Variants in PIGX observed in about 807,000 individuals in gnomAD.
PIGX encodes phosphatidylinositol glycan anchor biosynthesis class X, also known as GPI alpha-1,4-mannosyltransferase I, stabilizing subunit.
A neutral mutation model predicts 28.7 loss-of-function variants in PIGX; 24 were observed. The ratio of observed to expected loss-of-function variants is 0.84; its 90% CI spans 0.60 to 1.17. The LOEUF (loss-of-function observed/expected upper bound fraction) is 1.17. Among genes scored for constraint, PIGX ranks in the 50% most tolerant of loss-of-function variants. The pLI, the probability that PIGX is intolerant of heterozygous loss-of-function variation, is 0.00. For synonymous variants in PIGX, 127 were observed against 121.0 expected (o/e 1.05, Z -0.33); for missense variants, 305 against 317.8 (o/e 0.96, Z 0.31).
intron 2 of PIGX, chr3:196,717,718 T>C (rs1183319257): frequency 1.3e-5 from 2 of 152,306 alleles, no homozygotes; most frequent in East Asian, 1.9e-4. Flanking sequence ...ATTAGGGTGA[T>C]AGAGCTCTGA....
In PIGX at chr3:196,716,854, A is replaced by T. The variant is rs1415243437; in HGVS notation, c.113-4A>T. The T allele has an allele frequency of 1.3e-6, 2 of 1,561,704 alleles. No homozygotes were observed. The highest frequency in any genetic ancestry group is 1.8e-6 in the Non-Finnish European group (2 of 1,142,836). On this transcript the variant is annotated splice_polypyrimidine_tract_variant and splice_region_variant and intron_variant, in intron 1 of 5. Coordinates refer to ENST00000392391, the MANE Select transcript of PIGX (RefSeq NM_017861.4). ...TTTAAAAAAAAATCGTTTGGTTCTT[A>T]TAGGCATAAGGGCCATGTGTTCTGA...
chr3:196,714,025 C>G (rs779346884), intron 1 of PIGX, among the ~76,000 whole-genome samples: 3 of 152,128 alleles, frequency 2.0e-5, no homozygotes, highest in Admixed American at 1.3e-4. Context: ...TAGCCTTTCT[C>G]CGGTCCCAAT....
At chr3:196,724,022 G>GTT (rs1462271791) in intron 3 of PIGX, among the ~76,000 whole-genome samples, 47 of 129,976 alleles carry the variant, frequency 3.6e-4, no homozygotes, top group South Asian at 7.4e-4. Context: ...TTAATTTAAT[G>GTT]TTTTTTTTTT....
At chr3:196,732,073 C>G (rs1051525068) in intron 5 of PIGX, among the ~76,000 whole-genome samples, 1 of 149,704 alleles carries the variant, frequency 6.7e-6, no homozygotes, top group African/African-American at 2.5e-5. Context: ...TGATCCACCC[C>G]CGTCAGCCTC....
intron 1 of PIGX, chr3:196,712,969 A>T: frequency 1.0e-6 from 1 of 1,000,754 alleles, no homozygotes; most frequent in Non-Finnish European, 1.2e-6. Flanking sequence ...CTGATCACCA[A>T]GGGGCCAGGC....
chr3:196,721,906 C>CA (rs1410348404), intron 2 of PIGX, among the ~76,000 whole-genome samples: 1 of 152,122 alleles, frequency 6.6e-6, no homozygotes, highest in African/African-American at 2.4e-5. Context: ...CATGTGCCAC[C>CA]ATGCCCGGCT....
chr3:196,712,739 G>A (rs944125320), intron 1 of PIGX, 95 bp downstream of exon 1: 3 of 1,112,106 alleles, frequency 2.7e-6, no homozygotes, highest in Non-Finnish European at 3.3e-6. Context: ...CCCGGCGCGG[G>A]ACCTAGATCA....
In PIGX at chr3:196,733,713, C is replaced by T. The variant is rs1044177892; in HGVS notation, c.634-46C>T. On this transcript the variant is annotated intron_variant, in intron 5 of 5. Transcript: ENST00000392391. The surrounding 1 kb of genome is among the most constrained non-coding windows in gnomAD (Gnocchi z 4.3). ...CAGGCATGAGCTACCACACCGGGCCCATGACATGCATTTTCAATGTCTAAC... is the reference window on the plus strand; with the variant it reads ...CAGGCATGAGCTACCACACCGGGCCTATGACATGCATTTTCAATGTCTAAC... The T allele has an allele frequency of 5.5e-6, 8 of 1,459,788 alleles. No individual in the cohort carries two copies. The Admixed American group carries it at 8.4e-5, about 15-fold the overall frequency. 90.4% of individuals were successfully genotyped at this position (1,459,788 alleles called of 1,614,324 possible).
At position 196,712,665 on chromosome 3, in the gene PIGX, G is replaced by A. The variant is rs546189766; in HGVS notation, c.112+21G>A. ...CGCCGGTAAGGGGGGCGGGGCTTGG[G>A]GGGCCAGAGCGTGGGAGCGGTCCCG... On this transcript the variant is annotated intron_variant, in intron 1 of 5. Transcript: ENST00000392391. 31 of 1,184,260 alleles carry A rather than the reference G, an allele frequency of 2.6e-5. No individual in the cohort carries two copies. The African/African-American group carries it at 4.2e-4, about 16-fold the overall frequency. 73.4% of individuals were successfully genotyped at this position (1,184,260 alleles called of 1,614,324 possible). A position where few individuals can be genotyped will look rare whatever the true frequency, so the allele number is the denominator to read the frequency against.
chr3:196,731,232 C>G (rs192689704), intron 5 of PIGX, 140 bp downstream of exon 5: 16 of 400,246 alleles, frequency 4.0e-5, no homozygotes, highest in African/African-American at 3.4e-4. Context: ...GGCTGGAGTG[C>G]AGTGGCACAA....
chr3:196,722,538 AG>A lies in PIGX; in HGVS notation c.301del (p.Glu101ArgfsTer4). 1 of 1,613,570 alleles carries A rather than the reference AG, an allele frequency of 6.2e-7. No homozygotes were observed. Reference sequence around the variant, plus strand: ...ATCCGTATGAGTTGGCTTCATTACGAGAGAGAAACATAACAGAGGTACAGTT... The same window carrying A: ...ATCCGTATGAGTTGGCTTCATTACGAAGAGAAACATAACAGAGGTACAGTT... On this transcript the variant is annotated frameshift_variant, in exon 3 of 6. Coordinates refer to ENST00000392391, the MANE Select transcript of PIGX (RefSeq NM_017861.4). LOFTEE classifies it high-confidence loss of function.
chr3:196,731,181 ATTT>A (rs773730665), intron 5 of PIGX, 89 bp downstream of exon 5: 830 of 477,152 alleles, frequency 1.7e-3, no homozygotes, highest in Middle Eastern at 3.6e-3. Context: ...AGAGATTAGC[ATTT>A]TTTTTTTTTT....
chr3:196,712,764 A>C, intron 1 of PIGX, 120 bp downstream of exon 1: 1 of 1,104,508 alleles, frequency 9.1e-7, no homozygotes, highest in South Asian at 4.5e-5. Context: ...GGCGAGCCGG[A>C]GGAGGTCAGA....
In PIGX at chr3:196,732,247, TATATA is replaced by T. The variant is rs1313004562; in HGVS notation, c.633+1156_633+1160del. Among the ~76,000 whole-genome samples, 37 of 39,714 alleles carry T rather than the reference TATATA, an allele frequency of 9.3e-4. 4 individuals are homozygous for T. The highest frequency in any genetic ancestry group is 4.8e-3 in the African/African-American group (34 of 7,104). 26.1% of individuals were successfully genotyped at this position (39,714 alleles called of 152,430 possible). ...ATATATATATATATATATATATATA[TATATA>T]TATATTTTATTTTATTTTATTTTTT... is the stretch of plus-strand genomic sequence containing the variant. On this transcript the variant is annotated intron_variant, in intron 5 of 5. Transcript: ENST00000392391.
At chr3:196,716,177 G>C (rs556949254) in intron 1 of PIGX, among the ~76,000 whole-genome samples, 214 of 152,228 alleles carry the variant, frequency 1.4e-3, no homozygotes, top group African/African-American at 5.0e-3. Flanking sequence ...TGAGTGTCTG[G>C]AATCTGGATG....
At position 196,734,065 on chromosome 3, in the gene PIGX, T is replaced by G. The variant is rs1385185563; in HGVS notation, c.*163T>G. 1 of 584,386 alleles carries G rather than the reference T, an allele frequency of 1.7e-6. No homozygotes were observed. Among genetic ancestry groups the G allele is most frequent in the African/African-American group, 1.9e-5 (1 of 53,536 alleles). The allele number at this position is 584,386 out of a possible 1,614,324, so 36.2% of individuals were successfully genotyped here. Reference sequence around the variant, plus strand: ...GGATCATTCTCAGCTAATTCCAAAATGTAGTGCTCTATTGCATGGATCCTT... The same window carrying G: ...GGATCATTCTCAGCTAATTCCAAAAGGTAGTGCTCTATTGCATGGATCCTT... On this transcript the variant is annotated 3_prime_UTR_variant, in exon 6 of 6. Coordinates refer to ENST00000392391, the MANE Select transcript of PIGX (RefSeq NM_017861.4).
At chr3:196,727,568 G>T (rs73072718) in intron 3 of PIGX, among the ~76,000 whole-genome samples, 2,442 of 152,192 alleles carry the variant, frequency 0.016, 55 homozygotes, top group African/African-American at 0.056. Context: ...GTCACAGTTT[G>T]TGTACTTATT....
intron 2 of PIGX, among the ~76,000 whole-genome samples, chr3:196,722,001 C>T (rs1320463861): frequency 6.6e-6 from 1 of 152,218 alleles, no homozygotes; most frequent in East Asian, 1.9e-4. Context: ...GTCCACCTGC[C>T]TCAGCCTTCC....
intron 1 of PIGX, among the ~76,000 whole-genome samples, chr3:196,716,040 T>G (rs903784733): frequency 1.3e-5 from 2 of 152,046 alleles, no homozygotes; most frequent in Non-Finnish European, 2.9e-5. Flanking sequence ...AGAGACAAGG[T>G]CTCTCTCTGT....
Sources: allele counts gnomAD v4.1 joint callset (sites outside exome capture counted in the v4.1 genomes callset), GRCh38; gene constraint gnomAD v4.1.1; non-coding constraint Gnocchi (gnomAD v3.1); transcripts MANE v1.5; gene names NCBI Gene and HGNC (gene_info 2026-07-23, HGNC 2026-07-21).